Variants in LMO7 observed in about 807,000 individuals in gnomAD.
LMO7 encodes the protein LIM domain only protein 7.
Under a neutral mutation model 206.5 loss-of-function variants are expected in LMO7, and 120 were observed. That is an observed-to-expected ratio of 0.58 (90% CI 0.50 to 0.68). The LOEUF (loss-of-function observed/expected upper bound fraction) is 0.68, where lower values mean the gene tolerates loss of function less well. Ranked by LOEUF, LMO7 falls within the 30% of genes least tolerant of loss-of-function variation. The probability of loss-of-function intolerance (pLI) is 0.00; values close to 1 mark genes in which losing one functional copy is unlikely to be tolerated. For missense variants in LMO7, 1,959 were observed against 1,957.9 expected (o/e 1.00, Z -0.01); for synonymous variants, 706 against 681.5 (o/e 1.04, Z -0.56).
At chr13:75,694,850 C>T (rs371731688) in intron 1 of LMO7, among the ~76,000 whole-genome samples, 3 of 152,096 alleles carry the variant, frequency 2.0e-5, no homozygotes. Context: ...GGAGTTTGTC[C>T]TTGAACGAAC....
chr13:75,633,987 C>T (rs959103006), upstream of LMO7, among the ~76,000 whole-genome samples: 2 of 143,108 alleles, frequency 1.4e-5, no homozygotes, highest in African/African-American at 2.5e-5. Context: ...AGTGCCACCA[C>T]GTCCAGCTAA....
chr13:75,689,514 G>T (rs754045580), intron 1 of LMO7, among the ~76,000 whole-genome samples: 1 of 152,160 alleles, frequency 6.6e-6, no homozygotes, highest in Non-Finnish European at 1.5e-5. Flanking sequence ...TGTCTGTGAG[G>T]GTGGTGCCAA....
intron 1 of LMO7, among the ~76,000 whole-genome samples, chr13:75,681,732 A>ATATATATATATATATG (rs1555293402): frequency 1.8e-4 from 25 of 135,276 alleles, no homozygotes; most frequent in African/African-American, 5.9e-4. Context: ...ATATATATAT[A>ATATATATATATATATG]TATATATATA....
chr13:75,736,899 A>G (rs1008523925), intron 3 of LMO7, among the ~76,000 whole-genome samples: 2 of 152,170 alleles, frequency 1.3e-5, no homozygotes, highest in African/African-American at 4.8e-5. Context: ...CATATAGGAG[A>G]TCAAAGGTTT....
At chr13:75,805,407 G>C in intron 8 of LMO7, 72 bp from the exon 9 acceptor site, 8 of 1,493,684 alleles carry the variant, frequency 5.4e-6, no homozygotes, top group Non-Finnish European at 7.3e-6. Context: ...TTGTGAACCA[G>C]AAAGCATGCC....
chr13:75,717,775 C>T (rs1381900799), intron 2 of LMO7, among the ~76,000 whole-genome samples: 1 of 152,150 alleles, frequency 6.6e-6, no homozygotes, highest in Non-Finnish European at 1.5e-5. Context: ...CCTGGGGCTT[C>T]CATGCAGTGC....
chr13:75,849,710 T>C (rs1385014333), intron 27 of LMO7, among the ~76,000 whole-genome samples: 1 of 152,118 alleles, frequency 6.6e-6, no homozygotes, highest in African/African-American at 2.4e-5. Context: ...AATGATTAGA[T>C]TGGAATCTTG....
chr13:75,749,983 G>A (rs2047141735), intron 3 of LMO7, among the ~76,000 whole-genome samples: 1 of 151,678 alleles, frequency 6.6e-6, no homozygotes, highest in Non-Finnish European at 1.5e-5. Context: ...GTGTTACTTG[G>A]CAGAATAAGT....
chr13:75,654,876 CT>C (rs60476451), intron 1 of LMO7, among the ~76,000 whole-genome samples: 126 of 141,062 alleles, frequency 8.9e-4, no homozygotes, highest in Non-Finnish European at 9.4e-4. Context: ...TCTCTTCTCT[CT>C]TTTTTTTTTT....
rs540694444 is a variant in LMO7, at chr13:75,805,665, G to A, written c.1101G>A (p.Gln367=). 5 of 1,614,054 alleles carry A rather than the reference G, an allele frequency of 3.1e-6. No individual in the cohort carries two copies. In the South Asian group the frequency reaches 5.5e-5, roughly 18 times the overall value. The change falls in exon 9 of 31, where the codon CAG becomes CAA. Residue 367 remains glutamine (Q), a synonymous_variant. Coordinates refer to ENST00000377534, the MANE Select transcript of LMO7 (RefSeq NM_001306080.2). ...VMPNPGNAFD[Q]FLPKCWTPED... is the part of the protein sequence containing the mutation. ...CAAACCCAGGGAATGCTTTTGATCA[G>A]TTTCTTCCCAAATGTTGGACCCCAG...
chr13:75,806,063 G>A (rs2055422560), intron 9 of LMO7: 1 of 1,129,900 alleles, frequency 8.9e-7, no homozygotes, highest in Non-Finnish European at 1.1e-6. Context: ...CACAGTAGAA[G>A]GAATTCAGAC....
intron 1 of LMO7, among the ~76,000 whole-genome samples, chr13:75,676,746 C>T (rs1461187619): frequency 1.3e-5 from 2 of 152,132 alleles, no homozygotes; most frequent in Non-Finnish European, 2.9e-5. Context: ...AGGAGTGCTA[C>T]GTAAATAAGT....
chr13:75,788,649 T>G (rs1431768555), intron 4 of LMO7, among the ~76,000 whole-genome samples: 1 of 151,950 alleles, frequency 6.6e-6, no homozygotes. Flanking sequence ...CCTCATTTCT[T>G]GATTTTTTTT....
rs2061132164 is a variant in LMO7, at chr13:75,858,561, G to A, written c.*618G>A. On this transcript the variant is annotated 3_prime_UTR_variant, in exon 31 of 31. Transcript: ENST00000377534. ...GTTGCTAAGTAATTCCCAATAGAAA[G>A]CTGCTTATTTTCATTAATGAAAAAT... The A allele has an allele frequency of 6.6e-6, 1 of 152,562 alleles. No individual in the cohort carries two copies. Among genetic ancestry groups the A allele is most frequent in the Non-Finnish European group, 1.5e-5 (1 of 68,018 alleles). The allele number at this position is 152,562 out of a possible 1,614,324, so 9.5% of individuals were successfully genotyped here. A position where few individuals can be genotyped will look rare whatever the true frequency, so the allele number is the denominator to read the frequency against.
chr13:75,736,330 G>T (rs575992671), intron 3 of LMO7, among the ~76,000 whole-genome samples: 5 of 152,300 alleles, frequency 3.3e-5, no homozygotes, highest in Admixed American at 2.6e-4. Flanking sequence ...TTGTCATCAT[G>T]CCTCACTTGA....
chr13:75,636,948 C>A (rs1022681732), intron 1 of LMO7, among the ~76,000 whole-genome samples: 6 of 152,208 alleles, frequency 3.9e-5, no homozygotes, highest in Non-Finnish European at 7.3e-5. Flanking sequence ...CCCCCGCCCC[C>A]CGACGGTGTC....
At chr13:75,713,326 C>A in intron 2 of LMO7, 74 bp downstream of exon 2, 1 of 1,087,346 alleles carries the variant, frequency 9.2e-7, no homozygotes, top group Non-Finnish European at 1.3e-6. Flanking sequence ...AGGTGTTTGG[C>A]TCCTCCCATG....
At position 75,838,350 on chromosome 13, in the gene LMO7, C is replaced by T. The variant is rs776214489; in HGVS notation, c.3451+154C>T. On this transcript the variant is annotated intron_variant, in intron 20 of 30. Coordinates refer to ENST00000377534, the MANE Select transcript of LMO7 (RefSeq NM_001306080.2). Reference sequence around the variant, plus strand: ...CCCATTTCCATTCTTTCCCTAGGGTCATCAGGCTTTTCTTACAGTTCATGG... The same window carrying T: ...CCCATTTCCATTCTTTCCCTAGGGTTATCAGGCTTTTCTTACAGTTCATGG... The T allele has an allele frequency of 8.7e-6, 13 of 1,495,894 alleles. No individual in the cohort carries two copies. In the South Asian group the frequency reaches 1.6e-4, roughly 18 times the overall value. 92.7% of individuals were successfully genotyped at this position (1,495,894 alleles called of 1,614,324 possible). A position where few individuals can be genotyped will look rare whatever the true frequency, so the allele number is the denominator to read the frequency against.
intron 2 of LMO7, among the ~76,000 whole-genome samples, chr13:75,726,460 T>G (rs1258592078): frequency 1.3e-5 from 2 of 151,954 alleles, no homozygotes; most frequent in Admixed American, 1.3e-4. Context: ...TTCTGGTACA[T>G]TGAATTTAAT....
Sources: gnomAD v4.1 joint callset for allele counts (sites outside exome capture counted in the v4.1 genomes callset) on GRCh38, gnomAD v4.1.1 for gene constraint, MANE v1.5 for transcripts, NCBI Gene and HGNC (gene_info 2026-07-23, HGNC 2026-07-21) for gene names.